Variants in ROBO2 observed in about 807,000 individuals in gnomAD.
The protein encoded by ROBO2 is roundabout homolog 2.
Under a neutral mutation model 160.8 loss-of-function variants are expected in ROBO2, and 53 were observed. That is an observed-to-expected ratio of 0.33 (90% CI 0.26 to 0.41). ROBO2 has a LOEUF of 0.41. Ranked by LOEUF, ROBO2 falls within the 10% of genes least tolerant of loss-of-function variation. The probability of loss-of-function intolerance (pLI) is 1.00; values close to 1 mark genes in which losing one functional copy is unlikely to be tolerated. For missense variants in ROBO2, 1,577 were observed against 1,722.4 expected, an observed-to-expected ratio of 0.92 and a Z score of 1.49; for synonymous variants, 664 against 611.7, an observed-to-expected ratio of 1.09 and a Z score of -1.26.
chr3:76,008,661 C>T (rs2066101739), intron 2 of ROBO2, among the ~76,000 whole-genome samples: 2 of 152,296 alleles, frequency 1.3e-5, no homozygotes, highest in Admixed American at 6.5e-5. Flanking sequence ...ACCACCCTCT[C>T]ATCACATTGA....
chr3:76,469,678 A>G (rs2078549750), intron 2 of ROBO2, among the ~76,000 whole-genome samples: 1 of 152,040 alleles, frequency 6.6e-6, no homozygotes, highest in African/African-American at 2.4e-5. Context: ...CCACTGGTTC[A>G]GTTAACTACT....
chr3:76,119,102 A>T (rs533253854), intron 2 of ROBO2, among the ~76,000 whole-genome samples: 1 of 152,330 alleles, frequency 6.6e-6, no homozygotes, highest in South Asian at 2.1e-4. Context: ...GTTTCTCATC[A>T]TGTACACCTG....
At chr3:76,435,775 C>T (rs1010800121) in intron 2 of ROBO2, among the ~76,000 whole-genome samples, 2 of 152,082 alleles carry the variant, frequency 1.3e-5, no homozygotes, top group African/African-American at 4.8e-5. Context: ...GAAAACAGTC[C>T]CAGGAATTAA....
At chr3:77,050,225 A>G (rs1293918307) in intron 1 of ROBO2, among the ~76,000 whole-genome samples, 3 of 152,202 alleles carry the variant, frequency 2.0e-5, no homozygotes, top group African/African-American at 7.2e-5. Context: ...ATAACAGTAC[A>G]GTTATTGAAA....
At chr3:76,219,518 C>A (rs1403262402) in intron 2 of ROBO2, among the ~76,000 whole-genome samples, 2 of 152,112 alleles carry the variant, frequency 1.3e-5, no homozygotes, top group African/African-American at 4.8e-5. Context: ...GGGCGAAGGA[C>A]ATGAACAGAC....
chr3:76,957,554 C>T (rs2079357340), intron 2 of ROBO2, among the ~76,000 whole-genome samples: 1 of 151,908 alleles, frequency 6.6e-6, no homozygotes, highest in South Asian at 2.1e-4. Flanking sequence ...ACAATTAGGC[C>T]GGGTGCAGTG....
intron 9 of ROBO2, among the ~76,000 whole-genome samples, chr3:77,559,662 T>C (rs1017779443): frequency 6.6e-6 from 1 of 152,140 alleles, no homozygotes; most frequent in Non-Finnish European, 1.5e-5. Flanking sequence ...ATTTGGCATA[T>C]TGTTCTTTTA....
At chr3:77,098,675 G>C (rs1020299112) in intron 2 of ROBO2, among the ~76,000 whole-genome samples, 1 of 151,812 alleles carries the variant, frequency 6.6e-6, no homozygotes, top group Non-Finnish European at 1.5e-5. Context: ...GTGAAACCCC[G>C]TCTCTACAAA....
intron 2 of ROBO2, among the ~76,000 whole-genome samples, chr3:76,276,537 G>T (rs989127023): frequency 6.6e-6 from 1 of 151,776 alleles, no homozygotes; most frequent in Non-Finnish European, 1.5e-5. Context: ...TATTCTAAAC[G>T]TTTCCATATT....
intron 2 of ROBO2, among the ~76,000 whole-genome samples, chr3:76,028,822 A>G (rs1034678202): frequency 1.3e-5 from 2 of 151,986 alleles, no homozygotes; most frequent in Non-Finnish European, 2.9e-5. Context: ...CATGATTATT[A>G]AAAATTTTTA....
intron 2 of ROBO2, among the ~76,000 whole-genome samples, chr3:76,128,929 T>G (rs1339494653): frequency 6.6e-6 from 1 of 152,128 alleles, no homozygotes; most frequent in Non-Finnish European, 1.5e-5. Context: ...GAGCAGTAAC[T>G]TGTGAATAAT....
chr3:76,725,305 A>G (rs182060), intron 2 of ROBO2, among the ~76,000 whole-genome samples: 25,790 of 152,094 alleles, frequency 0.17, 2,465 homozygotes, highest in Non-Finnish European at 0.22. Context: ...ATCTCTCTCT[A>G]AATTATTCCT....
intron 2 of ROBO2, among the ~76,000 whole-genome samples, chr3:77,312,654 T>A (rs906636475): frequency 1.3e-5 from 2 of 152,192 alleles, no homozygotes; most frequent in Non-Finnish European, 2.9e-5. Context: ...GCCATAAAGA[T>A]CCCTCTGGCA....
intron 1 of ROBO2, among the ~76,000 whole-genome samples, chr3:75,926,055 CAG>C (rs1483268001): frequency 3.3e-5 from 5 of 151,966 alleles, no homozygotes; most frequent in African/African-American, 1.2e-4. Flanking sequence ...CACAGTAAAA[CAG>C]AAAAAAAATC....
intron 9 of ROBO2, 82 bp downstream of exon 10, chr3:77,558,231 A>T (rs559321270): frequency 9.1e-7 from 1 of 1,095,014 alleles, no homozygotes; most frequent in Non-Finnish European, 1.4e-6. Flanking sequence ...TGAACTTAAA[A>T]TCTTACATCC....
At chr3:76,561,512 T>G (rs2084184695) in intron 2 of ROBO2, among the ~76,000 whole-genome samples, 1 of 152,162 alleles carries the variant, frequency 6.6e-6, no homozygotes, top group Non-Finnish European at 1.5e-5. Context: ...CATAAATAAC[T>G]GATTATTGTT....
At chr3:76,409,299 C>T (rs1192104550) in intron 2 of ROBO2, among the ~76,000 whole-genome samples, 1 of 151,846 alleles carries the variant, frequency 6.6e-6, no homozygotes, top group Non-Finnish European at 1.5e-5. Flanking sequence ...CAATTTTTTT[C>T]CTTAGTTTCC....
At chr3:77,216,429 G>A (rs571182074) in intron 2 of ROBO2, among the ~76,000 whole-genome samples, 16 of 152,288 alleles carry the variant, frequency 1.1e-4, no homozygotes, top group South Asian at 2.1e-4. Flanking sequence ...TTGGAAAAAT[G>A]CAGTATTAGG....
At chr3:77,043,399 A>G (rs927257125) in intron 1 of ROBO2, among the ~76,000 whole-genome samples, 1 of 152,166 alleles carries the variant, frequency 6.6e-6, no homozygotes, top group African/African-American at 2.4e-5. Flanking sequence ...TGGGTTATTT[A>G]TATGTGCATT....
Sources: allele counts gnomAD v4.1 joint callset (sites outside exome capture counted in the v4.1 genomes callset), GRCh38; gene constraint gnomAD v4.1.1; transcripts MANE v1.5; gene names NCBI Gene and HGNC (gene_info 2026-07-23, HGNC 2026-07-21).